RABGAP1L: variants seen among roughly 807,000 people sequenced by gnomAD.
RABGAP1L encodes the protein RAB GTPase activating protein 1 like, also known as rab GTPase-activating protein 1-like.
RABGAP1L carries 63 observed loss-of-function variants against 137.7 expected under a neutral mutation model. That is an observed-to-expected ratio of 0.46 (90% CI 0.37 to 0.56). The LOEUF (loss-of-function observed/expected upper bound fraction) is 0.56, where lower values mean the gene tolerates loss of function less well. RABGAP1L is among the 20% of genes least tolerant of loss of function. The pLI, the probability that RABGAP1L is intolerant of heterozygous loss-of-function variation, is 0.00. For missense variants in RABGAP1L, 1,095 were observed against 1,244.0 expected (o/e 0.88, Z 1.80); for synonymous variants, 431 against 433.7 (o/e 0.99, Z 0.08).
chr1:174,342,278 A>T (rs1478595936), intron 11 of RABGAP1L, among the ~76,000 whole-genome samples: 1 of 152,186 alleles, frequency 6.6e-6, no homozygotes, highest in Non-Finnish European at 1.5e-5. Context: ...TTGACTAATG[A>T]TAAACCAAAT....
intron 11 of RABGAP1L, among the ~76,000 whole-genome samples, chr1:174,326,383 A>G (rs1332015490): frequency 6.6e-6 from 1 of 152,208 alleles, no homozygotes; most frequent in Admixed American, 6.5e-5. Context: ...TCAAATAGAA[A>G]TCCTGGAGTT....
At chr1:174,726,753 A>G (rs747512951) in intron 17 of RABGAP1L, among the ~76,000 whole-genome samples, 3 of 152,214 alleles carry the variant, frequency 2.0e-5, no homozygotes, top group East Asian at 1.9e-4. Flanking sequence ...AGCACTACAC[A>G]TAATAGAAAT....
chr1:174,353,295 C>G (rs1683352775), intron 11 of RABGAP1L, among the ~76,000 whole-genome samples: 1 of 152,118 alleles, frequency 6.6e-6, no homozygotes, highest in South Asian at 2.1e-4. Flanking sequence ...GTCCTCTTTA[C>G]TCTCCCCTCT....
chr1:174,783,368 G>A (rs535019396), intron 18 of RABGAP1L, among the ~76,000 whole-genome samples: 6 of 152,206 alleles, frequency 3.9e-5, no homozygotes, highest in Middle Eastern at 3.4e-3. Context: ...ACCCCAGGCC[G>A]GAGAACAAAA....
At chr1:174,639,942 ACT>A (rs1200505553) in intron 14 of RABGAP1L, among the ~76,000 whole-genome samples, 1 of 151,978 alleles carries the variant, frequency 6.6e-6, no homozygotes, top group Non-Finnish European at 1.5e-5. Context: ...CCATTTTAAA[ACT>A]CTTTCTGAAT....
chr1:174,543,805 C>T (rs906218235), intron 13 of RABGAP1L, among the ~76,000 whole-genome samples: 3 of 152,178 alleles, frequency 2.0e-5, no homozygotes, highest in African/African-American at 4.8e-5. Flanking sequence ...GACAAAATCT[C>T]TCAGCATTTG....
chr1:174,991,606 TTGTTA>T lies in RABGAP1L; in HGVS notation c.*1612_*1616del, dbSNP rs906925144. 23 of 152,248 alleles carry T rather than the reference TTGTTA, an allele frequency of 1.5e-4. No homozygotes were observed. Among genetic ancestry groups the T allele is most frequent in the African/African-American group, 5.5e-4 (23 of 41,460 alleles). The allele number at this position is 152,248 out of a possible 1,614,324, so 9.4% of individuals were successfully genotyped here. On this transcript the variant is annotated 3_prime_UTR_variant, in exon 26 of 26. Coordinates refer to ENST00000681986, the MANE Select transcript of RABGAP1L (RefSeq NM_001366446.1). ...TCTACAGCCCATAAAACTGATGTGA[TTGTTA>T]TGTTATACTCATCAGATAATACTTT...
chr1:174,810,247 G>A (rs1689736813), intron 18 of RABGAP1L, among the ~76,000 whole-genome samples: 2 of 152,188 alleles, frequency 1.3e-5, no homozygotes, highest in South Asian at 4.1e-4. Context: ...TGTGGATGTA[G>A]CAGTGTGAAA....
At chr1:174,349,047 G>GGGGT (rs1377804375) in intron 11 of RABGAP1L, among the ~76,000 whole-genome samples, 1 of 139,062 alleles carries the variant, frequency 7.2e-6, no homozygotes, top group African/African-American at 2.7e-5. Flanking sequence ...GGCCGGGCGG[G>GGGGT]GGGGGGGCTG....
chr1:174,292,603 G>C (rs1488555756), intron 10 of RABGAP1L, among the ~76,000 whole-genome samples: 1 of 151,128 alleles, frequency 6.6e-6, no homozygotes, highest in African/African-American at 2.4e-5. Flanking sequence ...TTTCATTTTG[G>C]TCACAGAGTA....
At chr1:174,582,827 T>C (rs1001519692) in intron 13 of RABGAP1L, among the ~76,000 whole-genome samples, 1 of 152,180 alleles carries the variant, frequency 6.6e-6, no homozygotes, top group Non-Finnish European at 1.5e-5. Flanking sequence ...ACTAGGACTT[T>C]TTCCTTTAAT....
At chr1:174,743,752 C>G (rs1438829304) in intron 17 of RABGAP1L, among the ~76,000 whole-genome samples, 1 of 151,992 alleles carries the variant, frequency 6.6e-6, no homozygotes, top group Non-Finnish European at 1.5e-5. Context: ...AGATATTTTA[C>G]TACTTAATCT....
At position 174,364,870 on chromosome 1, in the gene RABGAP1L, TCC is replaced by T. The variant is rs1412952309; in HGVS notation, c.1466-6107_1466-6106del. 2.6e-5 allele frequency among the ~76,000 whole-genome samples: 4 copies of T among 152,196 alleles called. No homozygotes were observed. In the East Asian group the frequency reaches 7.7e-4, roughly 29 times the overall value. On this transcript the variant is annotated intron_variant, in intron 11 of 25. Transcript: ENST00000681986. ...ATAAATGCTTCCAGGACTGGGTTCTTCCCTCAAGGCAGTGGGATCCTTTTCGG... is the reference window on the plus strand; with the variant it reads ...ATAAATGCTTCCAGGACTGGGTTCTTCTCAAGGCAGTGGGATCCTTTTCGG...
intron 13 of RABGAP1L, among the ~76,000 whole-genome samples, chr1:174,478,002 ATTACT>A (rs1202500091): frequency 3.3e-5 from 5 of 152,122 alleles, no homozygotes; most frequent in Admixed American, 1.3e-4. Flanking sequence ...AAGTTTTATA[ATTACT>A]TTAATATGAT....
intron 19 of RABGAP1L, among the ~76,000 whole-genome samples, chr1:174,924,703 C>T (rs956275675): frequency 1.3e-5 from 2 of 152,068 alleles, no homozygotes; most frequent in East Asian, 3.9e-4. Flanking sequence ...ATAATCTCAA[C>T]GGGCACGATG....
At position 174,969,523 on chromosome 1, in the gene RABGAP1L, T is replaced by C. The variant is rs558163205; in HGVS notation, c.2544+136T>C. On this transcript the variant is annotated intron_variant, in intron 21 of 25. Transcript: ENST00000681986. ...ACAAGTGGCAGGGACAGTCTGTTAA[T>C]TGGAGACCATGGAAAACATAAGCCT... The C allele has an allele frequency of 9.7e-5, 64 of 662,840 alleles. No homozygotes were observed. The Middle Eastern group carries it at 1.9e-3, about 20-fold the overall frequency. The allele number at this position is 662,840 out of a possible 1,614,324, so 41.1% of individuals were successfully genotyped here. A position where few individuals can be genotyped will look rare whatever the true frequency, so the allele number is the denominator to read the frequency against.
At chr1:174,635,365 G>T (rs1673914745) in intron 13 of RABGAP1L, among the ~76,000 whole-genome samples, 1 of 152,090 alleles carries the variant, frequency 6.6e-6, no homozygotes, top group Non-Finnish European at 1.5e-5. Flanking sequence ...GTTTATAAGT[G>T]GAAACTATTA....
intron 13 of RABGAP1L, among the ~76,000 whole-genome samples, chr1:174,604,297 C>T (rs1670623344): frequency 6.6e-6 from 1 of 152,166 alleles, no homozygotes; most frequent in South Asian, 2.1e-4. Context: ...TGAATTCTGC[C>T]ATGTGTTTCT....
At chr1:174,457,477 CT>C (rs746968960) in intron 13 of RABGAP1L, among the ~76,000 whole-genome samples, 9,555 of 107,494 alleles carry the variant, frequency 0.089, 1,193 homozygotes, top group African/African-American at 0.36. Context: ...CAGGCATCAT[CT>C]TTTTTTTTTT....
Sources: allele counts gnomAD v4.1 joint callset (sites outside exome capture counted in the v4.1 genomes callset), GRCh38; gene constraint gnomAD v4.1.1; transcripts MANE v1.5; gene names NCBI Gene and HGNC (gene_info 2026-07-23, HGNC 2026-07-21).